Variants in RIPOR3 observed in about 807,000 individuals in gnomAD.
RIPOR3 encodes family with sequence similarity 65 member C.
RIPOR3 carries 95 observed loss-of-function variants against 114.3 expected under a neutral mutation model. The observed-to-expected ratio is 0.83, with a 90% CI of 0.70 to 0.99. The LOEUF is 0.99. RIPOR3 is among the 50% of genes least tolerant of loss of function. The probability of loss-of-function intolerance (pLI) is 0.00; values close to 1 mark genes in which losing one functional copy is unlikely to be tolerated. For missense variants in RIPOR3, 1,252 were observed against 1,266.9 expected (o/e 0.99, Z 0.18); for synonymous variants, 575 against 543.8 (o/e 1.06, Z -0.80).
At chr20:50,670,552 A>C (rs1022606377) in intron 1 of RIPOR3, among the ~76,000 whole-genome samples, 1 of 152,300 alleles carries the variant, frequency 6.6e-6, no homozygotes, top group Admixed American at 6.5e-5. Context: ...GAAATAAAGA[A>C]AAGACATGTT....
intron 11 of RIPOR3, 132 bp from the exon 12 acceptor site, chr20:50,604,906 G>A: frequency 8.8e-7 from 1 of 1,137,538 alleles, no homozygotes; most frequent in African/African-American, 1.6e-5. Flanking sequence ...TGGATGGTGT[G>A]TGAGGAGCTC....
intron 4 of RIPOR3, among the ~76,000 whole-genome samples, chr20:50,612,124 CAAA>C (rs542382125): frequency 4.5e-5 from 4 of 89,178 alleles, no homozygotes; most frequent in Non-Finnish European, 2.3e-5. Context: ...GACTCCATCT[CAAA>C]AAAAAAAAAA....
rs539614086 is a variant in RIPOR3, at chr20:50,624,759, C to T, written c.123-4627G>A. 2.4e-4 allele frequency among the ~76,000 whole-genome samples: 37 copies of T among 152,342 alleles called. 4 individuals carry two copies. Among genetic ancestry groups the T allele is most frequent in the Admixed American group, 1.8e-3 (28 of 15,302 alleles). On this transcript the variant is annotated intron_variant, in intron 2 of 21. Coordinates refer to ENST00000327979, the MANE Select transcript of RIPOR3 (RefSeq NM_001290268.2). ...TTCCAGACGGGCACGTGCAACCTGC[C>T]GGCCCCAGCCCTCACGTGAGGTTGC...
intron 1 of RIPOR3, among the ~76,000 whole-genome samples, chr20:50,642,544 T>C (rs34114672): frequency 0.29 from 43,892 of 151,534 alleles, 7,732 homozygotes; most frequent in African/African-American, 0.5. Flanking sequence ...GGGGAGAAGC[T>C]TGTCTTCCCA....
At chr20:50,616,514 T>C (rs1464675309) in intron 3 of RIPOR3, among the ~76,000 whole-genome samples, 1 of 152,034 alleles carries the variant, frequency 6.6e-6, no homozygotes, top group Non-Finnish European at 1.5e-5. Context: ...GGCTGATTTT[T>C]GTATTTTTAG....
chr20:50,608,707 T>G lies in RIPOR3; in HGVS notation c.716A>C (p.Lys239Thr). Reference protein sequence around the residue: ...VLMRLGRQRWKLKGRIESDDS... With the variant: ...VLMRLGRQRWTLKGRIESDDS... Reference sequence around the variant, plus strand: ...ATCTGACTCGATCCGACCCTTGAGCTTCCAACGCTGGCGGCCCAGACGCAT... The same window carrying G: ...ATCTGACTCGATCCGACCCTTGAGCGTCCAACGCTGGCGGCCCAGACGCAT... Residue 239 changes from lysine to threonine, a missense_variant, in exon 10 of 22, where the codon AAG becomes ACG. Lys to Thr is a moderately conservative substitution (Grantham distance 78, BLOSUM62 -1). Coordinates refer to ENST00000327979, the MANE Select transcript of RIPOR3 (RefSeq NM_001290268.2). The G allele has an allele frequency of 6.2e-7, 1 of 1,613,998 alleles. No individual in the cohort carries two copies.
intron 11 of RIPOR3, among the ~76,000 whole-genome samples, chr20:50,607,429 G>T (rs534522202): frequency 6.6e-6 from 1 of 152,158 alleles, no homozygotes; most frequent in African/African-American, 2.4e-5. Context: ...CATTTGCCTC[G>T]AAGAAACTTG....
intron 11 of RIPOR3, among the ~76,000 whole-genome samples, chr20:50,605,789 A>C (rs868017848): frequency 5.5e-5 from 7 of 127,678 alleles, no homozygotes; most frequent in South Asian, 2.3e-4. Context: ...AAAAAAAAAG[A>C]AAAAAAAAAA....
At chr20:50,666,202 CTT>C (rs1239538535) in intron 1 of RIPOR3, among the ~76,000 whole-genome samples, 1 of 105,406 alleles carries the variant, frequency 9.5e-6, no homozygotes, top group African/African-American at 4.3e-5. Flanking sequence ...CTTTTCTTTT[CTT>C]TTCTTTTCTT....
intron 1 of RIPOR3, among the ~76,000 whole-genome samples, chr20:50,656,894 G>C (rs963027518): frequency 2.6e-5 from 4 of 152,288 alleles, no homozygotes; most frequent in Non-Finnish European, 5.9e-5. Context: ...AATAGAAGTT[G>C]CTTCCGAAAT....
intron 1 of RIPOR3, among the ~76,000 whole-genome samples, chr20:50,659,170 C>T (rs183496261): frequency 6.6e-4 from 100 of 152,316 alleles, no homozygotes; most frequent in African/African-American, 2.3e-3. Context: ...CTTGCAGAAG[C>T]CACCCTGCCG....
chr20:50,667,904 G>T (rs1176211344), intron 1 of RIPOR3, among the ~76,000 whole-genome samples: 2 of 152,148 alleles, frequency 1.3e-5, no homozygotes, highest in Non-Finnish European at 1.5e-5. Flanking sequence ...TGTGGAAAGG[G>T]GATACTAATA....
At position 50,602,007 on chromosome 20, in the gene RIPOR3, C is replaced by A; in HGVS notation, c.1659+65G>T. Reference sequence around the variant, plus strand: ...GGCCCAGGCTGCGTGGCCCCAGAGCCCCCGACTCCCAGTCATCATGCCATC... The same window carrying A: ...GGCCCAGGCTGCGTGGCCCCAGAGCACCCGACTCCCAGTCATCATGCCATC... On this transcript the variant is annotated intron_variant, in intron 13 of 21. Transcript: ENST00000327979. The surrounding 1 kb of genome is among the most constrained non-coding windows in gnomAD (Gnocchi z 4.3). 2 of 1,409,416 alleles carry A rather than the reference C, an allele frequency of 1.4e-6. No individual in the cohort carries two copies. The highest frequency in any genetic ancestry group is 1.9e-6 in the Non-Finnish European group (2 of 1,075,154). The allele number at this position is 1,409,416 out of a possible 1,614,324, so 87.3% of individuals were successfully genotyped here.
chr20:50,637,806 C>T (rs1280334448), intron 1 of RIPOR3, among the ~76,000 whole-genome samples: 3 of 152,012 alleles, frequency 2.0e-5, no homozygotes, highest in Admixed American at 6.6e-5. Flanking sequence ...ACCCAGGAAG[C>T]GGAGGTTGCA....
In RIPOR3 at chr20:50,612,867, A is replaced by AG. The variant is rs1330785082; in HGVS notation, c.349-1664dup. On this transcript the variant is annotated intron_variant, in intron 4 of 21. Transcript: ENST00000327979. ...TAGCACTTTGGGAGGCCAAGGCAGG[A>AG]GGATCACCTGAGCCCAGGCATTCAA... 4.6e-5 allele frequency among the ~76,000 whole-genome samples: 7 copies of AG among 152,304 alleles called. No homozygotes were observed. The East Asian group carries it at 5.8e-4, about 13-fold the overall frequency.
intron 1 of RIPOR3, among the ~76,000 whole-genome samples, chr20:50,639,234 T>C (rs2085104674): frequency 6.7e-6 from 1 of 148,732 alleles, no homozygotes; most frequent in Non-Finnish European, 1.5e-5. Flanking sequence ...AGAGCGAGAC[T>C]CCAACTCAAA....
Position 50,602,530 on chromosome 20 carries a change from T to C in RIPOR3, c.1201A>G (p.Ser401Gly). 3 of 1,558,934 alleles carry C rather than the reference T, an allele frequency of 1.9e-6. No homozygotes were observed. The highest frequency in any genetic ancestry group is 2.6e-6 in the Non-Finnish European group (3 of 1,151,068). The change falls in exon 13 of 22, where the codon AGT (serine) becomes GGT (glycine). Residue 401 changes from serine (S) to glycine (G), a missense_variant. Physicochemically the swap from Ser to Gly is moderately conservative, Grantham distance 56. Coordinates refer to ENST00000327979, the MANE Select transcript of RIPOR3 (RefSeq NM_001290268.2). This position sits in a 1 kb window ranked among gnomAD's most constrained non-coding sequence, Gnocchi z 4.3. ...GAGTCCATCTCAGGCAGCTCCTGAC[T>C]CTGGCTTCTTAGGCTGGGACCCCGG... is the stretch of plus-strand genomic sequence containing the variant. The part of the protein sequence containing the change: ...DLRGPSLRSQ[S>G]QELPEMDSFS...
intron 1 of RIPOR3, among the ~76,000 whole-genome samples, chr20:50,680,850 C>T (rs558998564): frequency 1.6e-4 from 24 of 152,312 alleles, no homozygotes; most frequent in Non-Finnish European, 3.1e-4. Context: ...ATTGATACCC[C>T]CTCAACTCCA....
At chr20:50,617,567 C>T (rs13043125) in intron 3 of RIPOR3, among the ~76,000 whole-genome samples, 13,821 of 151,134 alleles carry the variant, frequency 0.091, 745 homozygotes, top group Non-Finnish European at 0.12. Context: ...ACAGGGTAGC[C>T]ACCGCTGTGC....
Sources: gnomAD v4.1 joint callset for allele counts (sites outside exome capture counted in the v4.1 genomes callset) on GRCh38, gnomAD v4.1.1 for gene constraint, Gnocchi (gnomAD v3.1) non-coding constraint, MANE v1.5 for transcripts, NCBI Gene and HGNC (gene_info 2026-07-23, HGNC 2026-07-21) for gene names.